CMKLR1: variants seen among roughly 807,000 people sequenced by gnomAD.
CMKLR1 encodes the protein chemerin chemokine-like receptor 1, also known as chemerin-like receptor 1.
A neutral mutation model predicts 8.2 loss-of-function variants in CMKLR1; 6 were observed. The observed-to-expected ratio is 0.73, with a 90% CI of 0.40 to 1.44. CMKLR1 has a LOEUF of 1.44. Ranked by LOEUF, CMKLR1 falls within the 40% of genes most tolerant of loss-of-function variation. CMKLR1 has a pLI of 0.02. For synonymous variants in CMKLR1, 178 were observed against 181.2 expected, an observed-to-expected ratio of 0.98 and a Z score of 0.14; for missense variants, 429 against 478.0, an observed-to-expected ratio of 0.90 and a Z score of 0.96.
rs1357874217 is a variant in CMKLR1 at position 108,291,652 on chromosome 12, C to T, written c.*189G>A. 4.7e-6 allele frequency: 3 copies of T among 645,032 alleles called. No homozygotes were observed. In the Admixed American group the frequency reaches 8.5e-5, roughly 18 times the overall value. 40.0% of individuals were successfully genotyped at this position (645,032 alleles called of 1,614,324 possible). A position where few individuals can be genotyped will look rare whatever the true frequency, so the allele number is the denominator to read the frequency against. On this transcript the variant is annotated 3_prime_UTR_variant, in exon 4 of 4. Transcript: ENST00000550402. ...TGCTAGTCCAAGGCTGTATGGAACACAGCATGTTCTGTCCACTAGAAGAAA... is the reference window on the plus strand; with the variant it reads ...TGCTAGTCCAAGGCTGTATGGAACATAGCATGTTCTGTCCACTAGAAGAAA...
At chr12:108,338,073 C>T (rs77395106) in intron 1 of CMKLR1, among the ~76,000 whole-genome samples, 3,904 of 152,256 alleles carry the variant, frequency 0.026, 191 homozygotes, top group African/African-American at 0.089. Context: ...ATCTCTGAAC[C>T]GCACAGGTCT....
intron 2 of CMKLR1, among the ~76,000 whole-genome samples, chr12:108,316,284 C>A (rs778650248): frequency 6.6e-6 from 1 of 152,104 alleles, no homozygotes; most frequent in Non-Finnish European, 1.5e-5. Flanking sequence ...CAGGCCCCAG[C>A]AGGGCAGGGG....
In CMKLR1 at chr12:108,291,493, T is replaced by C. The variant is rs2137289521; in HGVS notation, c.*348A>G. 1 of 253,568 alleles carries C rather than the reference T, an allele frequency of 3.9e-6. No individual in the cohort carries two copies. Among genetic ancestry groups the C allele is most frequent in the Non-Finnish European group, 7.6e-6 (1 of 132,048 alleles). The allele number at this position is 253,568 out of a possible 1,614,324, so 15.7% of individuals were successfully genotyped here. On this transcript the variant is annotated 3_prime_UTR_variant, in exon 4 of 4. Coordinates refer to ENST00000550402, the MANE Select transcript of CMKLR1 (RefSeq NM_001142343.2). ...CACCAGGAATGGACCTTGGAGAGTGTCATTTCTGGGGCACACACAATAGGC... is the reference window on the plus strand; with the variant it reads ...CACCAGGAATGGACCTTGGAGAGTGCCATTTCTGGGGCACACACAATAGGC...
intron 2 of CMKLR1, among the ~76,000 whole-genome samples, chr12:108,296,024 A>G (rs1372810865): frequency 6.6e-6 from 1 of 152,146 alleles, no homozygotes; most frequent in Non-Finnish European, 1.5e-5. Context: ...CTGTTGGTGC[A>G]TCGCCCCCAC....
chr12:108,311,067 T>C lies in CMKLR1; in HGVS notation c.-73-17403A>G, dbSNP rs137977895. On this transcript the variant is annotated intron_variant, in intron 2 of 3. Coordinates refer to ENST00000550402, the MANE Select transcript of CMKLR1 (RefSeq NM_001142343.2). ...TCCCCCACTGCAAATTGATGCCAGATACACACTGCTGCTATGCCTTCAATT... is the reference window on the plus strand; with the variant it reads ...TCCCCCACTGCAAATTGATGCCAGACACACACTGCTGCTATGCCTTCAATT... Among the ~76,000 whole-genome samples, 5 of 151,898 alleles carry C rather than the reference T, an allele frequency of 3.3e-5. No individual in the cohort carries two copies. The East Asian group carries it at 9.7e-4, about 30-fold the overall frequency.
chr12:108,331,381 C>A (rs899550144), intron 1 of CMKLR1, among the ~76,000 whole-genome samples: 5 of 152,096 alleles, frequency 3.3e-5, no homozygotes, highest in African/African-American at 1.2e-4. Flanking sequence ...CTGAATACTC[C>A]CTGGTAAAGC....
chr12:108,289,885 G>C lies in CMKLR1; in HGVS notation c.*1956C>G, dbSNP rs543412880. ...ATGGCCTCGGGAACTCGCCCAGCGCGGGGTAGACATTGCATCTGTTCATTG... is the reference window on the plus strand; with the variant it reads ...ATGGCCTCGGGAACTCGCCCAGCGCCGGGTAGACATTGCATCTGTTCATTG... On this transcript the variant is annotated 3_prime_UTR_variant, in exon 4 of 4. Transcript: ENST00000550402. 2 of 152,370 alleles carry C rather than the reference G, an allele frequency of 1.3e-5. No individual in the cohort carries two copies. The highest frequency in any genetic ancestry group is 1.9e-4 in the East Asian group (1 of 5,184). The allele number at this position is 152,370 out of a possible 1,614,324, so 9.4% of individuals were successfully genotyped here. A position where few individuals can be genotyped will look rare whatever the true frequency, so the allele number is the denominator to read the frequency against.
intron 2 of CMKLR1, among the ~76,000 whole-genome samples, chr12:108,308,584 G>A (rs897357102): frequency 6.6e-6 from 1 of 152,168 alleles, no homozygotes; most frequent in African/African-American, 2.4e-5. Context: ...CTCAGCATGG[G>A]TCCAGGGAGC....
At chr12:108,307,511 G>C (rs537027364) in intron 2 of CMKLR1, among the ~76,000 whole-genome samples, 1 of 152,338 alleles carries the variant, frequency 6.6e-6, no homozygotes, top group African/African-American at 2.4e-5. Flanking sequence ...ATCTGCCAGC[G>C]GGTGGGGAGA....
chr12:108,301,440 TCTCC>T (rs1282908532), intron 2 of CMKLR1, among the ~76,000 whole-genome samples: 2 of 151,914 alleles, frequency 1.3e-5, no homozygotes, highest in Non-Finnish European at 2.9e-5. Flanking sequence ...TCCCCAGGCC[TCTCC>T]CTCTGCTGCA....
chr12:108,299,791 C>G (rs1196818074), intron 2 of CMKLR1, among the ~76,000 whole-genome samples: 1 of 152,170 alleles, frequency 6.6e-6, no homozygotes, highest in African/African-American at 2.4e-5. Context: ...GTATCCTCCC[C>G]TGGAGCCTTC....
At chr12:108,304,363 G>A (rs1302471323) in intron 2 of CMKLR1, among the ~76,000 whole-genome samples, 2 of 152,122 alleles carry the variant, frequency 1.3e-5, no homozygotes, top group Admixed American at 6.5e-5. Context: ...GTGTCCTATG[G>A]GCTCAGTGTA....
chr12:108,326,283 C>A (rs2137337382), intron 2 of CMKLR1, among the ~76,000 whole-genome samples: 1 of 152,156 alleles, frequency 6.6e-6, no homozygotes, highest in East Asian at 1.9e-4. Context: ...GATCCCCAAC[C>A]AAAAGCCTCC....
intron 2 of CMKLR1, chr12:108,317,781 T>A (rs891599124): frequency 6.6e-6 from 1 of 152,210 alleles, no homozygotes; most frequent in Admixed American, 6.5e-5. Context: ...CTGGTGATGT[T>A]CAAACCATCT....
chr12:108,302,710 A>C (rs557181956), intron 2 of CMKLR1, among the ~76,000 whole-genome samples: 2 of 152,176 alleles, frequency 1.3e-5, no homozygotes, highest in Non-Finnish European at 2.9e-5. Flanking sequence ...GGACCCTAAT[A>C]GTGCTGTGGT....
At position 108,333,784 on chromosome 12, in the gene CMKLR1, A is replaced by G. The variant is rs370593760; in HGVS notation, c.-286-3577T>C. Among the ~76,000 whole-genome samples the G allele has an allele frequency of 2.4e-4, 36 of 152,378 alleles. 1 individual carries two copies. Among genetic ancestry groups the G allele is most frequent in the African/African-American group, 7.5e-4 (31 of 41,600 alleles). On this transcript the variant is annotated intron_variant, in intron 1 of 3. Coordinates refer to ENST00000550402, the MANE Select transcript of CMKLR1 (RefSeq NM_001142343.2). ...CAACATTTCTTTCTCTGATAGCACC[A>G]CGTAGAATTACTGCCTCTTGATTCC...
rs1890933804 is a variant in CMKLR1 at position 108,290,476 on chromosome 12, A to G, written c.*1365T>C. The G allele has an allele frequency of 6.6e-6, 1 of 152,234 alleles. No individual in the cohort carries two copies. The highest frequency in any genetic ancestry group is 2.4e-5 in the African/African-American group (1 of 41,468). 9.4% of individuals were successfully genotyped at this position (152,234 alleles called of 1,614,324 possible). A position where few individuals can be genotyped will look rare whatever the true frequency, so the allele number is the denominator to read the frequency against. On this transcript the variant is annotated 3_prime_UTR_variant, in exon 4 of 4. Transcript: ENST00000550402. ...AAGTGCTAAATAAATGTAGGCTATC[A>G]ATATACTAGAATAATCTCCACAGAT...
chr12:108,306,224 C>T (rs748792768), intron 2 of CMKLR1, among the ~76,000 whole-genome samples: 21 of 152,166 alleles, frequency 1.4e-4, no homozygotes, highest in Non-Finnish European at 2.8e-4. Flanking sequence ...CAGAGGTGTG[C>T]GGGTTGGCCA....
At chr12:108,323,078 A>G (rs1387194550) in intron 2 of CMKLR1, among the ~76,000 whole-genome samples, 1 of 152,196 alleles carries the variant, frequency 6.6e-6, no homozygotes, top group Non-Finnish European at 1.5e-5. Flanking sequence ...AGCTTAGTTC[A>G]GTCAACTTCA....
Sources: allele counts gnomAD v4.1 joint callset (sites outside exome capture counted in the v4.1 genomes callset), GRCh38; gene constraint gnomAD v4.1.1; transcripts MANE v1.5; gene names NCBI Gene and HGNC (gene_info 2026-07-23, HGNC 2026-07-21).